CGNL1: variants seen among roughly 807,000 people sequenced by gnomAD.
CGNL1 encodes cingulin like 1.
Under a neutral mutation model 141.2 loss-of-function variants are expected in CGNL1, and 132 were observed. The ratio of observed to expected loss-of-function variants is 0.93; its 90% confidence interval spans 0.81 to 1.08. The LOEUF is 1.08. Ranked by LOEUF, CGNL1 falls within the 50% of genes least tolerant of loss-of-function variation. The pLI, the probability that CGNL1 is intolerant of heterozygous loss-of-function variation, is 0.00. For missense variants in CGNL1, 1,870 were observed against 1,588.6 expected, an observed-to-expected ratio of 1.18 and a Z score of -3.01; for synonymous variants, 690 against 622.1, an observed-to-expected ratio of 1.11 and a Z score of -1.63.
intron 8 of CGNL1, among the ~76,000 whole-genome samples, chr15:57,506,700 C>A (rs142999174): frequency 1.3e-5 from 2 of 152,232 alleles, no homozygotes; most frequent in South Asian, 2.1e-4. Flanking sequence ...GTCAGAGAAC[C>A]GGGTTCAAGT....
intron 8 of CGNL1, among the ~76,000 whole-genome samples, chr15:57,508,463 T>G (rs1292999961): frequency 6.6e-6 from 1 of 152,240 alleles, no homozygotes; most frequent in African/African-American, 2.4e-5. Flanking sequence ...TAATTTCAAC[T>G]TTTTAAAGAT....
intron 1 of CGNL1, among the ~76,000 whole-genome samples, chr15:57,378,353 C>G (rs1196499146): frequency 5.9e-5 from 7 of 118,096 alleles, no homozygotes; most frequent in African/African-American, 2.2e-4. Context: ...TAGGGGGTGG[C>G]CCTCTATGTG....
At chr15:57,483,918 C>T (rs79523042) in intron 8 of CGNL1, among the ~76,000 whole-genome samples, 5,321 of 152,178 alleles carry the variant, frequency 0.035, 171 homozygotes, top group Non-Finnish European at 0.05. Context: ...ACTATCAAAC[C>T]AGCCTAGCAT....
chr15:57,400,837 T>G (rs1335987962), intron 1 of CGNL1, among the ~76,000 whole-genome samples: 1 of 146,432 alleles, frequency 6.8e-6, no homozygotes, highest in Non-Finnish European at 1.5e-5. Flanking sequence ...GAGCCAGGAT[T>G]GCACCGTTGC....
At chr15:57,521,795 C>G (rs1401063581) in intron 10 of CGNL1, among the ~76,000 whole-genome samples, 1 of 151,948 alleles carries the variant, frequency 6.6e-6, no homozygotes. Context: ...GTTGGCTTGT[C>G]TGCTGCCTGG....
At chr15:57,500,979 A>T (rs1464210017) in intron 8 of CGNL1, among the ~76,000 whole-genome samples, 1 of 152,234 alleles carries the variant, frequency 6.6e-6, no homozygotes, top group Non-Finnish European at 1.5e-5. Flanking sequence ...AATAGTGTGT[A>T]TTAACTATAA....
intron 10 of CGNL1, among the ~76,000 whole-genome samples, chr15:57,522,094 G>C (rs1224403213): frequency 1.3e-5 from 2 of 152,216 alleles, no homozygotes; most frequent in African/African-American, 4.8e-5. Flanking sequence ...CAGCAGCTGT[G>C]CTGGAGCACA....
intron 10 of CGNL1, among the ~76,000 whole-genome samples, chr15:57,522,857 G>C (rs902488416): frequency 2.0e-5 from 3 of 152,152 alleles, no homozygotes; most frequent in African/African-American, 7.2e-5. Flanking sequence ...TATTTTATCT[G>C]AGTAGTGTCT....
chr15:57,521,154 A>G (rs1265300165), intron 10 of CGNL1, among the ~76,000 whole-genome samples: 1 of 152,208 alleles, frequency 6.6e-6, no homozygotes, highest in Non-Finnish European at 1.5e-5. Context: ...AGGGTCGGAA[A>G]AATGCAAAGT....
chr15:57,540,304 G>A (rs1485401259), intron 14 of CGNL1, among the ~76,000 whole-genome samples: 3 of 152,166 alleles, frequency 2.0e-5, no homozygotes, highest in Non-Finnish European at 4.4e-5. Context: ...AGCATAGCTG[G>A]GGAGGCCTTA....
intron 13 of CGNL1, among the ~76,000 whole-genome samples, chr15:57,529,426 A>AT (rs1336743654): frequency 6.6e-6 from 1 of 152,228 alleles, no homozygotes; most frequent in Admixed American, 6.5e-5. Flanking sequence ...AACACCACAT[A>AT]TTAGAAAAAT....
Position 57,439,065 on chromosome 15 carries a change from T to C in CGNL1, c.1066T>C (p.Leu356=). 2 of 1,614,026 alleles carry C rather than the reference T, an allele frequency of 1.2e-6. No homozygotes were observed. Among genetic ancestry groups the C allele is most frequent in the East Asian group, 4.5e-5 (2 of 44,868 alleles). The change falls in exon 2 of 19, where the codon TTA becomes CTA. Residue 356 remains leucine, a synonymous_variant. Transcript: ENST00000281282. The part of the protein sequence containing the change: ...DTGSIPGVDQ[L]IEKFDQKPGL... ...AGGATCAATTCCTGGTGTGGATCAG[T>C]TAATTGAAAAATTTGATCAAAAACC... is the stretch of plus-strand genomic sequence containing the variant.
In CGNL1 at chr15:57,439,458, C is replaced by G. The variant is rs144501542; in HGVS notation, c.1459C>G (p.Leu487Val). 1 of 1,614,202 alleles carries G rather than the reference C, an allele frequency of 6.2e-7. No individual in the cohort carries two copies. Among genetic ancestry groups the G allele is most frequent in the South Asian group, 1.1e-5 (1 of 91,086 alleles). The stretch of plus-strand genomic sequence containing the variant: ...AAGTACAGTGATCCGTGCGCCCTCC[C>G]TTGGTGCACAGAGTAAAAAGGAGGA... ...QESTVIRAPSLGAQSKKEEEV... is the reference protein window; with the variant it reads ...QESTVIRAPSVGAQSKKEEEV... Residue 487 changes from leucine to valine, a missense_variant, in exon 2 of 19, where the codon CTT (leucine) becomes GTT (valine). Transcript: ENST00000281282.
intron 8 of CGNL1, among the ~76,000 whole-genome samples, chr15:57,467,965 C>G (rs1351313213): frequency 6.6e-6 from 1 of 152,118 alleles, no homozygotes; most frequent in Non-Finnish European, 1.5e-5. Flanking sequence ...ACTGGGATTA[C>G]AGGCATGAGC....
At chr15:57,450,776 A>G (rs1328130042) in intron 4 of CGNL1, among the ~76,000 whole-genome samples, 2 of 152,136 alleles carry the variant, frequency 1.3e-5, no homozygotes, top group African/African-American at 4.8e-5. Flanking sequence ...ATTTTTGTCT[A>G]GCTTTCATAG....
chr15:57,513,519 T>C (rs2030519383), intron 8 of CGNL1, among the ~76,000 whole-genome samples: 1 of 152,116 alleles, frequency 6.6e-6, no homozygotes, highest in African/African-American at 2.4e-5. Context: ...TCTGTGAATA[T>C]ATGTTTTTTC....
intron 8 of CGNL1, among the ~76,000 whole-genome samples, chr15:57,465,601 A>C (rs1172610987): frequency 6.6e-6 from 1 of 151,850 alleles, no homozygotes; most frequent in Admixed American, 6.6e-5. Flanking sequence ...ATGTTGGCCA[A>C]GCTGGTCTCA....
intron 4 of CGNL1, among the ~76,000 whole-genome samples, chr15:57,445,551 A>G (rs1260230202): frequency 6.6e-6 from 1 of 152,236 alleles, no homozygotes; most frequent in Admixed American, 6.5e-5. Context: ...TATGGGAAAG[A>G]ACAATGTATA....
chr15:57,435,287 G>C (rs1000007593), intron 1 of CGNL1, among the ~76,000 whole-genome samples: 2 of 152,028 alleles, frequency 1.3e-5, no homozygotes, highest in Non-Finnish European at 2.9e-5. Flanking sequence ...CCAAGTGAGA[G>C]ACTTGTATGT....
Sources: gnomAD v4.1 joint callset for allele counts (sites outside exome capture counted in the v4.1 genomes callset) on GRCh38, gnomAD v4.1.1 for gene constraint, MANE v1.5 for transcripts, NCBI Gene and HGNC (gene_info 2026-07-23, HGNC 2026-07-21) for gene names.